The following PRKAG2 variants were observed in gnomAD, a reference collection of about 807,000 sequenced individuals.
PRKAG2 encodes 5'-AMP-activated protein kinase subunit gamma-2.
In PRKAG2, 26 loss-of-function variants were observed where a neutral mutation model predicts 69.6. The ratio of observed to expected loss-of-function variants is 0.37; its 90% confidence interval spans 0.27 to 0.52. The LOEUF is 0.52. PRKAG2 is among the 20% of genes least tolerant of loss of function. PRKAG2 has a pLI of 0.90. For missense variants in PRKAG2, 557 were observed against 740.0 expected, an observed-to-expected ratio of 0.75 and a Z score of 2.87; for synonymous variants, 293 against 285.0, an observed-to-expected ratio of 1.03 and a Z score of -0.28.
chr7:151,616,433 C>T (rs546032402), intron 5 of PRKAG2, among the ~76,000 whole-genome samples: 1 of 152,350 alleles, frequency 6.6e-6, no homozygotes, highest in Non-Finnish European at 1.5e-5. Flanking sequence ...GGAAGCAGGA[C>T]TGGAATGCAG....
chr7:151,757,329 G>C (rs1219939461), intron 3 of PRKAG2, among the ~76,000 whole-genome samples: 1 of 152,180 alleles, frequency 6.6e-6, no homozygotes, highest in Non-Finnish European at 1.5e-5. Flanking sequence ...CGCTGAAATG[G>C]TGTGAAAGGA....
At chr7:151,823,046 A>ATG (rs574210472) in intron 1 of PRKAG2, among the ~76,000 whole-genome samples, 2 of 113,454 alleles carry the variant, frequency 1.8e-5, no homozygotes, top group African/African-American at 6.7e-5. Context: ...CCCACCCCAC[A>ATG]GCGGAAAACG....
chr7:151,849,510 C>G (rs2079519840), intron 1 of PRKAG2, among the ~76,000 whole-genome samples: 2 of 152,232 alleles, frequency 1.3e-5, no homozygotes. Flanking sequence ...TTTCTGGCGG[C>G]TGCTGTAACA....
At chr7:151,821,098 G>A (rs1163568902) in intron 1 of PRKAG2, among the ~76,000 whole-genome samples, 6 of 3,310 alleles carry the variant, frequency 1.8e-3, no homozygotes, top group African/African-American at 4.4e-3. Context: ...ACACAACATC[G>A]TGTGTGGCAC....
In PRKAG2 at chr7:151,828,030, G is replaced by A. The variant is rs2078947717; in HGVS notation, c.115-41489C>T. Among the ~76,000 whole-genome samples the A allele has an allele frequency of 6.6e-6, 1 of 152,198 alleles. No individual in the cohort carries two copies. Among genetic ancestry groups the A allele is most frequent in the Non-Finnish European group, 1.5e-5 (1 of 68,028 alleles). On this transcript the variant is annotated intron_variant, in intron 1 of 15. Transcript: ENST00000287878. This position sits in a 1 kb window ranked among gnomAD's most constrained non-coding sequence, Gnocchi z 4.6. ...TTATTCAGGTCAACATGAGCCTGGG[G>A]TGTGATCTCACCTTGGAACAAAGGA...
At chr7:151,663,147 G>C (rs1163219029) in intron 4 of PRKAG2, among the ~76,000 whole-genome samples, 2 of 152,136 alleles carry the variant, frequency 1.3e-5, no homozygotes, top group Non-Finnish European at 2.9e-5. Flanking sequence ...GCAAGGGAGG[G>C]AAGGGCAAGT....
At chr7:151,706,578 A>C (rs893825968) in intron 3 of PRKAG2, among the ~76,000 whole-genome samples, 2 of 152,240 alleles carry the variant, frequency 1.3e-5, no homozygotes, top group Admixed American at 1.3e-4. Flanking sequence ...CAGCACCCTG[A>C]CCTGCCTCCT....
chr7:151,674,736 C>T (rs1237687055), intron 4 of PRKAG2, among the ~76,000 whole-genome samples: 1 of 149,542 alleles, frequency 6.7e-6, no homozygotes, highest in South Asian at 2.1e-4. Flanking sequence ...AAATCTTAAA[C>T]CTCTAGAATA....
intron 3 of PRKAG2, among the ~76,000 whole-genome samples, chr7:151,770,528 C>T (rs2075971837): frequency 6.6e-6 from 1 of 152,228 alleles, no homozygotes; most frequent in African/African-American, 2.4e-5. Context: ...CTATGCTTCC[C>T]AGCCTGTCAG....
intron 3 of PRKAG2, among the ~76,000 whole-genome samples, chr7:151,732,480 C>T (rs2429833): frequency 0.17 from 25,939 of 152,042 alleles, 2,431 homozygotes; most frequent in South Asian, 0.37. Context: ...AAGGAGAGGG[C>T]GTTGCTGAGA....
At position 151,557,153 on chromosome 7, in the gene PRKAG2, A is replaced by G. The variant is rs756840097; in HGVS notation, c.*48T>C. Reference sequence around the variant, plus strand: ...GTGTTCATGAGGCAAAACGTGACCCAGAGACTTTGTTCAAGTTCTCCTCCT... The same window carrying G: ...GTGTTCATGAGGCAAAACGTGACCCGGAGACTTTGTTCAAGTTCTCCTCCT... On this transcript the variant is annotated 3_prime_UTR_variant, in exon 16 of 16. Transcript: ENST00000287878. 7 of 1,613,934 alleles carry G rather than the reference A, an allele frequency of 4.3e-6. No individual in the cohort carries two copies. In the East Asian group the frequency reaches 1.1e-4, roughly 26 times the overall value.
intron 1 of PRKAG2, among the ~76,000 whole-genome samples, chr7:151,816,399 G>A (rs2078641390): frequency 6.6e-6 from 1 of 152,078 alleles, no homozygotes; most frequent in South Asian, 2.1e-4. Flanking sequence ...TTTCAGACCA[G>A]AGCATTAATA....
intron 3 of PRKAG2, among the ~76,000 whole-genome samples, chr7:151,726,251 G>T (rs1420100765): frequency 6.6e-6 from 1 of 152,096 alleles, no homozygotes; most frequent in Non-Finnish European, 1.5e-5. Context: ...GTGAGGCAAA[G>T]CACCTGCGTG....
chr7:151,640,181 G>A (rs1265855348), intron 4 of PRKAG2, among the ~76,000 whole-genome samples: 1 of 152,110 alleles, frequency 6.6e-6, no homozygotes, highest in African/African-American at 2.4e-5. Flanking sequence ...TATGGGGCAT[G>A]CACCTGTAAT....
At chr7:151,685,780 A>G (rs987366471) in intron 3 of PRKAG2, among the ~76,000 whole-genome samples, 6 of 152,268 alleles carry the variant, frequency 3.9e-5, no homozygotes, top group African/African-American at 1.4e-4. Flanking sequence ...AAAAAAAAAA[A>G]AAAATTCTAA....
intron 3 of PRKAG2, among the ~76,000 whole-genome samples, chr7:151,691,054 C>T (rs1835584663): frequency 6.6e-6 from 1 of 152,160 alleles, no homozygotes; most frequent in Non-Finnish European, 1.5e-5. Context: ...AGAAACATGA[C>T]AGAGAGAAAA....
chr7:151,594,957 C>A (rs1173560879), intron 6 of PRKAG2, among the ~76,000 whole-genome samples: 2 of 152,086 alleles, frequency 1.3e-5, no homozygotes, highest in Non-Finnish European at 2.9e-5. Flanking sequence ...CACCACCACA[C>A]CCGGTTAATT....
At chr7:151,751,076 T>C (rs972938296) in intron 3 of PRKAG2, among the ~76,000 whole-genome samples, 1 of 151,768 alleles carries the variant, frequency 6.6e-6, no homozygotes, top group Non-Finnish European at 1.5e-5. Flanking sequence ...GCATGTCTTT[T>C]GCCATACTGA....
intron 15 of PRKAG2, chr7:151,558,287 G>T (rs1804208210): frequency 1.0e-6 from 1 of 985,286 alleles, no homozygotes; most frequent in Non-Finnish European, 1.2e-6. Context: ...CCTTCTAATC[G>T]AGTAACAGCA....
Sources: allele counts gnomAD v4.1 joint callset (sites outside exome capture counted in the v4.1 genomes callset), GRCh38; gene constraint gnomAD v4.1.1; non-coding constraint Gnocchi (gnomAD v3.1); transcripts MANE v1.5; gene names NCBI Gene and HGNC (gene_info 2026-07-23, HGNC 2026-07-21).